The following ANKS1A variants were observed in gnomAD, a reference collection of about 807,000 sequenced individuals.
The protein encoded by ANKS1A is ankyrin repeat and SAM domain-containing protein 1A.
In ANKS1A, 55 loss-of-function variants were observed where a neutral mutation model predicts 120.3. The ratio of observed to expected loss-of-function variants is 0.46; its 90% confidence interval spans 0.37 to 0.57. ANKS1A has a LOEUF of 0.57. Among genes scored for constraint, ANKS1A ranks in the 20% least tolerant of loss-of-function variants. ANKS1A has a pLI of 0.00. For synonymous variants in ANKS1A, 590 were observed against 604.7 expected, an observed-to-expected ratio of 0.98 and a Z score of 0.36; for missense variants, 1,123 against 1,480.3, an observed-to-expected ratio of 0.76 and a Z score of 3.96.
chr6:34,929,263 T>C (rs184195964), intron 1 of ANKS1A, among the ~76,000 whole-genome samples: 20 of 152,206 alleles, frequency 1.3e-4, no homozygotes, highest in African/African-American at 2.2e-4. Context: ...CATTTGGTCC[T>C]TTTTGGTTAC....
chr6:34,927,706 A>G (rs1299548033), intron 1 of ANKS1A, among the ~76,000 whole-genome samples: 1 of 152,178 alleles, frequency 6.6e-6, no homozygotes, highest in Non-Finnish European at 1.5e-5. Context: ...CAGTACTGTA[A>G]TGTACAGGAT....
intron 11 of ANKS1A, among the ~76,000 whole-genome samples, chr6:35,019,847 CAGTG>C (rs1378278605): frequency 6.6e-6 from 1 of 151,850 alleles, no homozygotes; most frequent in Non-Finnish European, 1.5e-5. Context: ...TTTAAAAAAT[CAGTG>C]GGTGGGGGAG....
At chr6:34,965,090 G>A (rs1011045332) in intron 1 of ANKS1A, among the ~76,000 whole-genome samples, 3 of 152,084 alleles carry the variant, frequency 2.0e-5, no homozygotes, top group Non-Finnish European at 4.4e-5. Context: ...TGTGTAGGGT[G>A]GGATATCTTT....
At chr6:34,901,395 A>G (rs1403042032) in intron 1 of ANKS1A, among the ~76,000 whole-genome samples, 2 of 152,240 alleles carry the variant, frequency 1.3e-5, no homozygotes, top group Non-Finnish European at 2.9e-5. Flanking sequence ...GTTACTTTCC[A>G]TAATCCTTGG....
intron 16 of ANKS1A, 22 bp downstream of exon 16, chr6:35,079,950 A>T (rs766356546): frequency 6.5e-7 from 1 of 1,550,222 alleles, no homozygotes; most frequent in South Asian, 1.2e-5. Flanking sequence ...AGGGACAGAA[A>T]GGAATGTATG....
At chr6:34,907,665 T>A (rs1418127671) in intron 1 of ANKS1A, among the ~76,000 whole-genome samples, 5 of 152,128 alleles carry the variant, frequency 3.3e-5, no homozygotes, top group Non-Finnish European at 7.4e-5. Flanking sequence ...TCTTTGCAAC[T>A]TTTCTGTAAG....
At chr6:34,892,590 G>T (rs114943894) in intron 1 of ANKS1A, among the ~76,000 whole-genome samples, 1 of 152,280 alleles carries the variant, frequency 6.6e-6, no homozygotes, top group East Asian at 1.9e-4. Flanking sequence ...CCCCCATCCC[G>T]TATTCCACAA....
chr6:34,938,243 C>T (rs769459740), intron 1 of ANKS1A, among the ~76,000 whole-genome samples: 30 of 152,212 alleles, frequency 2.0e-4, no homozygotes, highest in Non-Finnish European at 4.3e-4. Flanking sequence ...TGGGAACAAT[C>T]CTTTTATGCC....
At chr6:34,927,513 G>T (rs1369573199) in intron 1 of ANKS1A, among the ~76,000 whole-genome samples, 3 of 152,008 alleles carry the variant, frequency 2.0e-5, no homozygotes, top group African/African-American at 7.2e-5. Flanking sequence ...AATGACCAAA[G>T]GAACTTGAAG....
At chr6:34,913,508 G>A (rs1767999637) in intron 1 of ANKS1A, among the ~76,000 whole-genome samples, 1 of 152,148 alleles carries the variant, frequency 6.6e-6, no homozygotes. Context: ...TTTAGTTTTT[G>A]TAGAGACAAC....
At chr6:35,004,457 C>A (rs1346872830) in intron 10 of ANKS1A, among the ~76,000 whole-genome samples, 3 of 151,934 alleles carry the variant, frequency 2.0e-5, no homozygotes, top group Non-Finnish European at 4.4e-5. Context: ...ACCCCCATCT[C>A]TAAAATAAAA....
chr6:34,994,491 AAGGGG>A, intron 10 of ANKS1A, 69 bp downstream of exon 10: 1 of 1,575,480 alleles, frequency 6.3e-7, no homozygotes, highest in Non-Finnish European at 8.6e-7. Context: ...TCCTGAGTGG[AAGGGG>A]AAGATGTCGT....
intron 1 of ANKS1A, among the ~76,000 whole-genome samples, chr6:34,892,872 T>G (rs746455596): frequency 6.6e-6 from 1 of 152,234 alleles, no homozygotes; most frequent in Non-Finnish European, 1.5e-5. Flanking sequence ...AATCAGAAAG[T>G]CAGCAAAGAA....
At position 34,983,104 on chromosome 6, in the gene ANKS1A, C is replaced by T; in HGVS notation, c.809-9C>T. The T allele has an allele frequency of 1.9e-6, 3 of 1,612,778 alleles. No homozygotes were observed. The highest frequency in any genetic ancestry group is 2.5e-6 in the Non-Finnish European group (3 of 1,178,928). On this transcript the variant is annotated splice_polypyrimidine_tract_variant and intron_variant, in intron 5 of 23. Coordinates refer to ENST00000360359, the MANE Select transcript of ANKS1A (RefSeq NM_015245.3). ...TCACTCCCCTGGTCCACCTGGTGTGCCTTTCTAGGAACTGACGTCAACATA... is the reference window on the plus strand; with the variant it reads ...TCACTCCCCTGGTCCACCTGGTGTGTCTTTCTAGGAACTGACGTCAACATA...
intron 1 of ANKS1A, among the ~76,000 whole-genome samples, chr6:34,915,247 A>G (rs1051400508): frequency 1.3e-5 from 2 of 152,180 alleles, no homozygotes; most frequent in African/African-American, 4.8e-5. Flanking sequence ...GGTCAGTGCC[A>G]TGGGCTTGGT....
chr6:34,984,687 G>A (rs945512139), intron 7 of ANKS1A, among the ~76,000 whole-genome samples: 7 of 152,126 alleles, frequency 4.6e-5, no homozygotes, highest in South Asian at 2.1e-4. Flanking sequence ...AGCCTTTGCC[G>A]TCCTCTATTT....
rs112251918 is a variant in ANKS1A, at chr6:35,012,785, T to C, written c.1424-4688T>C. Among the ~76,000 whole-genome samples the C allele has an allele frequency of 1.4e-4, 22 of 152,290 alleles. 1 individual carries two copies. The highest frequency in any genetic ancestry group is 5.3e-4 in the African/African-American group (22 of 41,566). On this transcript the variant is annotated intron_variant, in intron 10 of 23. Transcript: ENST00000360359. ...TTGATGGGATTGGGAATTAGCATGC[T>C]GGTGTGCCATATTGAGTAGAACAGC...
At chr6:34,949,436 ATTAG>A (rs565762479) in intron 1 of ANKS1A, among the ~76,000 whole-genome samples, 3 of 152,200 alleles carry the variant, frequency 2.0e-5, no homozygotes, top group Non-Finnish European at 4.4e-5. Context: ...GGAAAACCTG[ATTAG>A]TTAGCATTTA....
At chr6:34,903,925 A>G (rs1344022924) in intron 1 of ANKS1A, among the ~76,000 whole-genome samples, 1 of 152,228 alleles carries the variant, frequency 6.6e-6, no homozygotes, top group East Asian at 1.9e-4. Context: ...CTTGGCCTCA[A>G]GCAATCTTTC....
Sources: gnomAD v4.1 joint callset for allele counts (sites outside exome capture counted in the v4.1 genomes callset) on GRCh38, gnomAD v4.1.1 for gene constraint, MANE v1.5 for transcripts, NCBI Gene and HGNC (gene_info 2026-07-23, HGNC 2026-07-21) for gene names.